DLG3: variants seen among roughly 807,000 people sequenced by gnomAD.
The protein encoded by DLG3 is disks large homolog 3.
DLG3 carries 1 observed loss-of-function variant against 64.1 expected under a neutral mutation model. The observed-to-expected ratio is 0.02, with a 90% confidence interval of 0.01 to 0.07. The LOEUF (loss-of-function observed/expected upper bound fraction) is 0.07, where lower values mean the gene tolerates loss of function less well. Among genes scored for constraint, DLG3 ranks in the 10% least tolerant of loss-of-function variants. The pLI, the probability that DLG3 is intolerant of heterozygous loss-of-function variation, is 1.00. For missense variants in DLG3, 429 were observed against 669.5 expected (o/e 0.64, Z 3.96); for synonymous variants, 245 against 259.8 (o/e 0.94, Z 0.55).
chrX:70,450,445 C>T (rs1388125231), intron 5 of DLG3, 140 bp downstream of exon 5: 7 of 966,210 alleles, frequency 7.2e-6, no homozygotes, highest in Non-Finnish European at 9.9e-6. Flanking sequence ...TGTGTTTGCC[C>T]AGATACAAAG....
chrX:70,468,561 C>T (rs1259654206), intron 9 of DLG3, among the ~76,000 whole-genome samples: 2 of 111,188 alleles, frequency 1.8e-5, no homozygotes, highest in Non-Finnish European at 3.8e-5. Context: ...TGTGTATGGC[C>T]GAGGAAGCAT....
intron 10 of DLG3, among the ~76,000 whole-genome samples, chrX:70,488,737 C>T (rs2087302965): frequency 8.9e-6 from 1 of 112,027 alleles, no homozygotes; most frequent in South Asian, 3.7e-4. Context: ...CTTTAGCGGT[C>T]TGCAAAATTC....
intron 9 of DLG3, among the ~76,000 whole-genome samples, chrX:70,475,356 T>TTTG (rs2087036403): frequency 9.0e-6 from 1 of 111,301 alleles, no homozygotes. Flanking sequence ...ATGGATGATT[T>TTTG]TTTGTTTGTT....
intron 9 of DLG3, among the ~76,000 whole-genome samples, chrX:70,477,612 AC>A (rs900790318): frequency 9.2e-6 from 1 of 108,542 alleles, no homozygotes; most frequent in African/African-American, 3.4e-5. Flanking sequence ...CCGCCACCCC[AC>A]CCCCCGCAAC....
At chrX:70,495,756 G>A (rs948976179) in intron 13 of DLG3, among the ~76,000 whole-genome samples, 4 of 111,929 alleles carry the variant, frequency 3.6e-5, no homozygotes, top group African/African-American at 1.3e-4. Flanking sequence ...TTTCTCCAAG[G>A]TAACCACTCA....
At chrX:70,482,702 G>C (rs902452361) in intron 10 of DLG3, among the ~76,000 whole-genome samples, 1 of 81,444 alleles carries the variant, frequency 1.2e-5, no homozygotes, top group South Asian at 7.0e-4. Context: ...GTCTCGCTCT[G>C]TCGCCCAGGC....
At chrX:70,456,728 A>G (rs2086714730) in intron 9 of DLG3, among the ~76,000 whole-genome samples, 1 of 109,333 alleles carries the variant, frequency 9.1e-6, no homozygotes, top group South Asian at 3.9e-4. Context: ...TGGTAAATCC[A>G]GCAAGTCCCC....
At chrX:70,477,598 C>A (rs2087076717) in intron 9 of DLG3, among the ~76,000 whole-genome samples, 1 of 111,111 alleles carries the variant, frequency 9.0e-6, no homozygotes, top group African/African-American at 3.3e-5. Flanking sequence ...TGTCTCTCTA[C>A]CCTCCGCCAC....
chrX:70,473,029 C>T (rs775671641), intron 9 of DLG3, among the ~76,000 whole-genome samples: 11 of 108,495 alleles, frequency 1.0e-4, no homozygotes, highest in South Asian at 8.3e-4. Context: ...TGGTGGCAGG[C>T]GCCTGTAATC....
intron 1 of DLG3, among the ~76,000 whole-genome samples, chrX:70,445,775 G>T (rs895344765): frequency 9.5e-6 from 1 of 105,689 alleles, no homozygotes; most frequent in African/African-American, 3.5e-5. Context: ...GGAGCCGTGT[G>T]TCAGGGGGTA....
At chrX:70,452,664 G>A (rs1179330365) in intron 7 of DLG3, 1 of 1,200,033 alleles carries the variant, frequency 8.3e-7, no homozygotes, top group African/African-American at 1.7e-5. Flanking sequence ...CTTGGCCATG[G>A]GCTTGGGCTC....
intron 9 of DLG3, among the ~76,000 whole-genome samples, chrX:70,470,170 T>C (rs1228157374): frequency 8.9e-6 from 1 of 112,037 alleles, no homozygotes; most frequent in Non-Finnish European, 1.9e-5. Context: ...TCTTTCTACC[T>C]ATCATAATCT....
chrX:70,473,199 T>C (rs757564841), intron 9 of DLG3, among the ~76,000 whole-genome samples: 15 of 109,584 alleles, frequency 1.4e-4, no homozygotes, highest in Non-Finnish European at 2.5e-4. Flanking sequence ...TTACCATAGT[T>C]TACAAGGCCT....
In DLG3 at chrX:70,495,359, C is replaced by G. The variant is rs187918885; in HGVS notation, c.1774-49C>G. 2.1e-4 allele frequency: 236 copies of G among 1,142,496 alleles called. No homozygotes were observed. In the African/African-American group the frequency reaches 3.5e-3, roughly 17 times the overall value. 94.2% of individuals were successfully genotyped at this position (1,142,496 alleles called of 1,213,427 possible). On this transcript the variant is annotated intron_variant, in intron 12 of 18. Transcript: ENST00000374360. Reference sequence around the variant, plus strand: ...TCCCTCCCATCCCTTCCCCTTCCCCCCTCTTCTCCCCGTCGTCCTCTCTCC... The same window carrying G: ...TCCCTCCCATCCCTTCCCCTTCCCCGCTCTTCTCCCCGTCGTCCTCTCTCC...
intron 18 of DLG3, among the ~76,000 whole-genome samples, chrX:70,501,409 C>CTGTGTGTGTGTG (rs796396273): frequency 0.13 from 9,481 of 74,692 alleles, 756 homozygotes; most frequent in Admixed American, 0.25. Flanking sequence ...GTCTGTCTGT[C>CTGTGTGTGTGTG]TGTCTGTGTG....
Position 70,502,732 on chromosome X carries a change from G to T in DLG3, c.*463G>T, listed in dbSNP as rs746653730. On this transcript the variant is annotated 3_prime_UTR_variant, in exon 19 of 19. Transcript: ENST00000374360. ...GTCTTGCAGCTCTGAACGGTGCAAC[G>T]TAATGGCGACAGAAAGTATCTTATT... 2 of 107,800 alleles carry T rather than the reference G, an allele frequency of 1.9e-5. No homozygotes were observed. The highest frequency in any genetic ancestry group is 3.8e-5 in the Non-Finnish European group (2 of 52,680). 8.9% of individuals were successfully genotyped at this position (107,800 alleles called of 1,213,427 possible).
intron 13 of DLG3, chrX:70,497,258 C>G (rs2087472357): frequency 1.7e-6 from 2 of 1,167,086 alleles, no homozygotes; most frequent in Non-Finnish European, 2.3e-6. Flanking sequence ...CGTGTAGCTC[C>G]ACTGTGTATC....
At chrX:70,455,057 C>T in intron 9 of DLG3, 2 of 752,063 alleles carry the variant, frequency 2.7e-6, no homozygotes, top group Non-Finnish European at 3.1e-6. Flanking sequence ...TGCCCCGCCC[C>T]CTGACCCAGG....
At chrX:70,451,524 G>T (rs1256814848) in intron 6 of DLG3, among the ~76,000 whole-genome samples, 1 of 111,813 alleles carries the variant, frequency 8.9e-6, no homozygotes, top group African/African-American at 3.3e-5. Flanking sequence ...CTGCTGCAAG[G>T]ATCAAATGAG....
Sources: gnomAD v4.1 joint callset for allele counts (sites outside exome capture counted in the v4.1 genomes callset) on GRCh38, gnomAD v4.1.1 for gene constraint, MANE v1.5 for transcripts, NCBI Gene and HGNC (gene_info 2026-07-23, HGNC 2026-07-21) for gene names.